PCDHA4: variants seen among roughly 807,000 people sequenced by gnomAD.
The protein encoded by PCDHA4 is protocadherin alpha 4, also known as protocadherin alpha-4.
A neutral mutation model predicts 61.4 loss-of-function variants in PCDHA4; 49 were observed. That is an observed-to-expected ratio of 0.80 (90% CI 0.63 to 1.01). The LOEUF (loss-of-function observed/expected upper bound fraction) is 1.01, where lower values mean the gene tolerates loss of function less well. PCDHA4 is among the 50% of genes least tolerant of loss of function. The pLI, the probability that PCDHA4 is intolerant of heterozygous loss-of-function variation, is 0.00. For missense variants in PCDHA4, 1,254 were observed against 1,235.8 expected (o/e 1.01, Z -0.22); for synonymous variants, 590 against 550.3 (o/e 1.07, Z -1.01).
chr5:140,867,956 C>T (rs1581824842), intron 1 of PCDHA4: 1 of 151,940 alleles, frequency 6.6e-6, no homozygotes, highest in East Asian at 1.9e-4. Context: ...GCTCCCAAAC[C>T]CAAAATTCTT....
At chr5:140,875,450 C>T (rs199938092) in intron 1 of PCDHA4, 2 of 1,590,620 alleles carry the variant, frequency 1.3e-6, no homozygotes, top group African/African-American at 1.3e-5. Flanking sequence ...ATTGTCCCAA[C>T]TCAGAGGCCC....
rs140143048 is a variant in PCDHA4 at position 140,842,939 on chromosome 5, G to T, written c.2385+33367G>T. 2.5e-6 allele frequency: 4 copies of T among 1,594,572 alleles called. No homozygotes were observed. In the East Asian group the frequency reaches 8.9e-5, roughly 36 times the overall value. ...GCAGTTCCAGGTGAGCGCGCGCGACGCGGGCGTGCCGCCTCTGGGCAGCAA... is the reference window on the plus strand; with the variant it reads ...GCAGTTCCAGGTGAGCGCGCGCGACTCGGGCGTGCCGCCTCTGGGCAGCAA... On this transcript the variant is annotated intron_variant, in intron 1 of 3. Coordinates refer to ENST00000530339, the MANE Select transcript of PCDHA4 (RefSeq NM_018907.4).
intron 1 of PCDHA4, chr5:140,830,337 C>G: frequency 6.2e-7 from 1 of 1,614,048 alleles, no homozygotes; most frequent in Non-Finnish European, 8.5e-7. Flanking sequence ...GGGAGCTGGT[C>G]GTACTCGCAG....
At chr5:140,905,383 A>G (rs576453128) in intron 1 of PCDHA4, among the ~76,000 whole-genome samples, 8 of 152,324 alleles carry the variant, frequency 5.3e-5, no homozygotes, top group African/African-American at 1.7e-4. Flanking sequence ...GTTCTGTTTC[A>G]TAGGTCTGTG....
At chr5:140,829,655 C>T (rs1581885060) in intron 1 of PCDHA4, 2 of 1,612,510 alleles carry the variant, frequency 1.2e-6, no homozygotes, top group Non-Finnish European at 8.5e-7. Flanking sequence ...CGCGCTGCAG[C>T]CGCTGGACCA....
At chr5:140,966,208 T>G (rs993246205) in intron 1 of PCDHA4, 2 of 231,366 alleles carry the variant, frequency 8.6e-6, no homozygotes, top group Admixed American at 1.1e-4. Flanking sequence ...TTGACTGCTT[T>G]TCCCAGACTA....
intron 1 of PCDHA4, chr5:140,868,024 G>A (rs550037758): frequency 2.0e-5 from 3 of 152,200 alleles, no homozygotes; most frequent in South Asian, 4.1e-4. Context: ...GGAAACCAAT[G>A]TTGGTGACTT....
chr5:140,823,839 C>A (rs2150129665), intron 1 of PCDHA4: 2 of 1,613,784 alleles, frequency 1.2e-6, no homozygotes, highest in Non-Finnish European at 1.7e-6. Flanking sequence ...CTGTGGGTCC[C>A]GAGGCTGCCC....
chr5:140,915,517 G>T (rs982535213), intron 1 of PCDHA4, among the ~76,000 whole-genome samples: 17 of 152,066 alleles, frequency 1.1e-4, no homozygotes, highest in African/African-American at 4.1e-4. Flanking sequence ...TTGCAGACTA[G>T]TAGAGGTACC....
Position 140,826,963 on chromosome 5 carries a change from G to T in PCDHA4, c.2385+17391G>T, listed in dbSNP as rs1769130641. Among the ~76,000 whole-genome samples, 3 of 152,092 alleles carry T rather than the reference G, an allele frequency of 2.0e-5. No individual in the cohort carries two copies. The South Asian group carries it at 6.2e-4, about 32-fold the overall frequency. ...GTGGAATAAGGCAAGCCAGGGAAAA[G>T]GAGTAATTTAAAAAGTAATATAGGT... On this transcript the variant is annotated intron_variant, in intron 1 of 3. Transcript: ENST00000530339.
chr5:140,885,592 G>A (rs1428219345), intron 1 of PCDHA4, among the ~76,000 whole-genome samples: 1 of 152,102 alleles, frequency 6.6e-6, no homozygotes, highest in Non-Finnish European at 1.5e-5. Context: ...ATGCATCAAA[G>A]ATATTAATAA....
intron 1 of PCDHA4, chr5:140,825,909 C>T (rs1316504738): frequency 6.6e-6 from 1 of 152,370 alleles, no homozygotes; most frequent in Non-Finnish European, 1.5e-5. Flanking sequence ...TTTGAGACTA[C>T]GCTAGACAGG....
intron 1 of PCDHA4, among the ~76,000 whole-genome samples, chr5:140,916,610 A>G (rs1002556327): frequency 6.6e-6 from 1 of 152,196 alleles, no homozygotes; most frequent in Non-Finnish European, 1.5e-5. Flanking sequence ...TGCGGGCCTC[A>G]TGACTCTACT....
At chr5:140,923,888 G>A (rs575485843) in intron 1 of PCDHA4, among the ~76,000 whole-genome samples, 1 of 152,294 alleles carries the variant, frequency 6.6e-6, no homozygotes, top group Admixed American at 6.5e-5. Context: ...GTGTGAAAGA[G>A]GAGGAGTTTC....
At chr5:140,834,590 A>T in intron 1 of PCDHA4, 3 of 1,614,104 alleles carry the variant, frequency 1.9e-6, no homozygotes, top group Non-Finnish European at 2.5e-6. Context: ...CGGTGTGCAA[A>T]TTCCGTGGGG....
Position 140,936,624 on chromosome 5 carries a change from C to T in PCDHA4, c.2386-42325C>T, listed in dbSNP as rs186958884. On this transcript the variant is annotated intron_variant, in intron 1 of 3. Coordinates refer to ENST00000530339, the MANE Select transcript of PCDHA4 (RefSeq NM_018907.4). Reference sequence around the variant, plus strand: ...TCCTCGCTGCTACTGTGCAGTGCTACCTTTGTCATAAGCAACGTGACTTTA... The same window carrying T: ...TCCTCGCTGCTACTGTGCAGTGCTATCTTTGTCATAAGCAACGTGACTTTA... 2.3e-3 allele frequency among the ~76,000 whole-genome samples: 345 copies of T among 152,302 alleles called. 2 individuals are homozygous for T. Among genetic ancestry groups the T allele is most frequent in the South Asian group, 2.5e-3 (12 of 4,824 alleles).
In PCDHA4 at chr5:140,949,013, T is replaced by C. The variant is rs541040709; in HGVS notation, c.2386-29936T>C. Among the ~76,000 whole-genome samples, 141 of 151,862 alleles carry C rather than the reference T, an allele frequency of 9.3e-4. No homozygotes were observed. In the Middle Eastern group the frequency reaches 0.01, roughly 11 times the overall value. On this transcript the variant is annotated intron_variant, in intron 1 of 3. Transcript: ENST00000530339. ...GCATTTTACTAATTTTTATATGTGATGTTTTTATTTTTATTCATTTAAAAG... is the reference window on the plus strand; with the variant it reads ...GCATTTTACTAATTTTTATATGTGACGTTTTTATTTTTATTCATTTAAAAG...
intron 1 of PCDHA4, chr5:140,869,389 T>G (rs949262123): frequency 1.9e-6 from 3 of 1,614,180 alleles, no homozygotes; most frequent in Admixed American, 3.3e-5. Flanking sequence ...CGAGGAGCTG[T>G]GCGGGCAGAG....
rs147028446 is a variant in PCDHA4 at position 140,830,275 on chromosome 5, C to G, written c.2385+20703C>G. 962 of 1,613,698 alleles carry G rather than the reference C, an allele frequency of 6.0e-4. 1 individual carries two copies. The highest frequency in any genetic ancestry group is 7.3e-4 in the Non-Finnish European group (864 of 1,179,866). ...CGCTGCGGTGCTCGGCGCCACCCAC[C>G]GAGGGCGCGTGCACGGCGGACAAGC... On this transcript the variant is annotated intron_variant, in intron 1 of 3. Transcript: ENST00000530339.
Sources: allele counts gnomAD v4.1 joint callset (sites outside exome capture counted in the v4.1 genomes callset), GRCh38; gene constraint gnomAD v4.1.1; transcripts MANE v1.5; gene names NCBI Gene and HGNC (gene_info 2026-07-23, HGNC 2026-07-21).